ANTXR1: variants seen among roughly 807,000 people sequenced by gnomAD.
The protein encoded by ANTXR1 is anthrax toxin receptor 1.
A neutral mutation model predicts 78.1 loss-of-function variants in ANTXR1; 19 were observed. The observed-to-expected ratio is 0.24, with a 90% CI of 0.17 to 0.36. The LOEUF (loss-of-function observed/expected upper bound fraction) is 0.36. Ranked by LOEUF, ANTXR1 falls within the 10% of genes least tolerant of loss-of-function variation. ANTXR1 has a pLI of 1.00. For missense variants in ANTXR1, 518 were observed against 718.6 expected (o/e 0.72, Z 3.19); for synonymous variants, 273 against 260.5 (o/e 1.05, Z -0.46).
At chr2:69,023,598 A>C (rs1671261921) in intron 1 of ANTXR1, among the ~76,000 whole-genome samples, 1 of 152,118 alleles carries the variant, frequency 6.6e-6, no homozygotes, top group Admixed American at 6.6e-5. Context: ...TCCTCTAACA[A>C]AAGATGCCTC....
At chr2:69,209,737 G>T (rs923656414) in intron 17 of ANTXR1, among the ~76,000 whole-genome samples, 3 of 152,278 alleles carry the variant, frequency 2.0e-5, no homozygotes, top group African/African-American at 7.2e-5. Flanking sequence ...AGCTTGGCAT[G>T]TTGGAGGAAC....
chr2:69,169,801 G>A (rs539300293), intron 13 of ANTXR1, among the ~76,000 whole-genome samples: 21 of 152,376 alleles, frequency 1.4e-4, no homozygotes, highest in East Asian at 1.9e-4. Context: ...CCAGCAGCCC[G>A]CGTGGGGTCC....
Position 69,173,972 on chromosome 2 carries a change from C to T in ANTXR1, c.1089+3683C>T, listed in dbSNP as rs7590936. 1.6e-3 allele frequency among the ~76,000 whole-genome samples: 245 copies of T among 152,350 alleles called. 1 individual carries two copies. The highest frequency in any genetic ancestry group is 5.5e-3 in the African/African-American group (227 of 41,576). On this transcript the variant is annotated intron_variant, in intron 14 of 17. Transcript: ENST00000303714. ...ACCTGGGCTGGACAGATGACTAGTA[C>T]ATTTTATTTGCAATGAAAAACAAAA...
At chr2:69,225,390 G>A (rs1055329155) in intron 17 of ANTXR1, among the ~76,000 whole-genome samples, 2 of 152,198 alleles carry the variant, frequency 1.3e-5, no homozygotes, top group African/African-American at 4.8e-5. Flanking sequence ...CAAAGTGGAA[G>A]GATCGCTTGA....
chr2:69,207,001 T>C (rs561755728), intron 17 of ANTXR1, among the ~76,000 whole-genome samples: 10 of 152,336 alleles, frequency 6.6e-5, no homozygotes, highest in Middle Eastern at 3.4e-3. Flanking sequence ...CCTGCCCATA[T>C]GAAAATGCCA....
intron 12 of ANTXR1, among the ~76,000 whole-genome samples, chr2:69,139,552 G>A (rs1189659432): frequency 6.6e-6 from 1 of 152,160 alleles, no homozygotes; most frequent in Non-Finnish European, 1.5e-5. Context: ...TAATGACATT[G>A]CTTTAAGGAA....
chr2:69,174,621 T>C (rs1441381871), intron 14 of ANTXR1, among the ~76,000 whole-genome samples: 1 of 150,462 alleles, frequency 6.6e-6, no homozygotes, highest in Middle Eastern at 3.2e-3. Context: ...CAAGACTCTA[T>C]CTCAAAAAAA....
chr2:69,190,994 GAA>G (rs1674531950), intron 16 of ANTXR1, among the ~76,000 whole-genome samples: 1 of 152,056 alleles, frequency 6.6e-6, no homozygotes, highest in Non-Finnish European at 1.5e-5. Context: ...CTCTCCTTCT[GAA>G]AACGAAGGGG....
intron 17 of ANTXR1, among the ~76,000 whole-genome samples, chr2:69,194,336 A>T (rs1674613671): frequency 6.6e-6 from 1 of 152,232 alleles, no homozygotes; most frequent in African/African-American, 2.4e-5. Context: ...AATCAGGCAC[A>T]TTAATCCAAA....
rs151073700 is a variant in ANTXR1, at chr2:69,123,496, G to A, written c.872+410G>A. Among the ~76,000 whole-genome samples, 1,100 of 152,236 alleles carry A rather than the reference G, an allele frequency of 7.2e-3. 17 individuals carry two copies. The highest frequency in any genetic ancestry group is 0.024 in the African/African-American group (977 of 41,546). On this transcript the variant is annotated intron_variant, in intron 11 of 17. Transcript: ENST00000303714. ...ATCACCATTGCCCCGCTAGATAATT[G>A]TTATCTCCTCCTTAGAGAAAGGGAG...
chr2:69,137,798 A>G (rs1573923200), intron 12 of ANTXR1, among the ~76,000 whole-genome samples: 1 of 151,646 alleles, frequency 6.6e-6, no homozygotes, highest in Admixed American at 6.6e-5. Context: ...AAAAAAAAAA[A>G]AAAACAGTGG....
intron 9 of ANTXR1, among the ~76,000 whole-genome samples, chr2:69,093,354 A>G (rs1334446958): frequency 6.6e-6 from 1 of 152,254 alleles, no homozygotes; most frequent in Non-Finnish European, 1.5e-5. Context: ...AGATAGAGTA[A>G]GACCAAAGTA....
In ANTXR1 at chr2:69,013,290, TGAAACCC is replaced by T; in HGVS notation, c.-202_-196del. The T allele has an allele frequency of 2.8e-6, 2 of 705,846 alleles. No homozygotes were observed. The highest frequency in any genetic ancestry group is 4.7e-6 in the Non-Finnish European group (2 of 422,926). 43.7% of individuals were successfully genotyped at this position (705,846 alleles called of 1,614,324 possible). On this transcript the variant is annotated 5_prime_UTR_variant, in exon 1 of 18. Coordinates refer to ENST00000303714, the MANE Select transcript of ANTXR1 (RefSeq NM_032208.3). The surrounding 1 kb of genome is among the most constrained non-coding windows in gnomAD (Gnocchi z 5.0). Reference sequence around the variant, plus strand: ...AAGCGGAGGACAGGATTGGGATCCTTGAAACCCGAAACCCAGAAACAGCATCGGAGCG... The same window carrying T: ...AAGCGGAGGACAGGATTGGGATCCTTGAAACCCAGAAACAGCATCGGAGCG...
At chr2:69,044,696 G>A (rs1332506964) in intron 2 of ANTXR1, 46 bp from the exon 3 acceptor site, 1 of 1,587,802 alleles carries the variant, frequency 6.3e-7, no homozygotes, top group East Asian at 2.2e-5. Context: ...GGAGTGGCAT[G>A]CGCAGTCTTA....
At chr2:69,211,872 C>T (rs1183114869) in intron 17 of ANTXR1, among the ~76,000 whole-genome samples, 3 of 152,188 alleles carry the variant, frequency 2.0e-5, no homozygotes, top group African/African-American at 7.2e-5. Context: ...GCCTACTCAC[C>T]ATATGTATTC....
At chr2:69,125,471 G>A (rs1245731629) in intron 12 of ANTXR1, among the ~76,000 whole-genome samples, 1 of 152,208 alleles carries the variant, frequency 6.6e-6, no homozygotes, top group Non-Finnish European at 1.5e-5. Flanking sequence ...AGCCTCTGGA[G>A]TTGGTCCTGC....
At chr2:69,018,575 C>G (rs552861121) in intron 1 of ANTXR1, among the ~76,000 whole-genome samples, 14 of 152,330 alleles carry the variant, frequency 9.2e-5, no homozygotes, top group African/African-American at 2.4e-4. Context: ...GACTCATGCT[C>G]TCTCACAAGG....
intron 13 of ANTXR1, among the ~76,000 whole-genome samples, chr2:69,154,715 A>G (rs1366551966): frequency 6.6e-6 from 1 of 152,214 alleles, no homozygotes; most frequent in Non-Finnish European, 1.5e-5. Context: ...GAAAAGCCAG[A>G]AAGCAGAAAA....
chr2:69,212,658 T>G (rs1157573501), intron 17 of ANTXR1, among the ~76,000 whole-genome samples: 4 of 152,234 alleles, frequency 2.6e-5, no homozygotes, highest in Admixed American at 2.0e-4. Context: ...CAGTTAGTAC[T>G]GAGGTGTTTT....
Sources: allele counts gnomAD v4.1 joint callset (sites outside exome capture counted in the v4.1 genomes callset), GRCh38; gene constraint gnomAD v4.1.1; non-coding constraint Gnocchi (gnomAD v3.1); transcripts MANE v1.5; gene names NCBI Gene and HGNC (gene_info 2026-07-23, HGNC 2026-07-21).